The following PRELID2 variants were observed in gnomAD, a reference collection of about 807,000 sequenced individuals.
The protein encoded by PRELID2 is PRELI domain-containing protein 2.
In PRELID2, 25 loss-of-function variants were observed where a neutral mutation model predicts 28.4. That is an observed-to-expected ratio of 0.88 (90% CI 0.64 to 1.23). The LOEUF is 1.23. Among genes scored for constraint, PRELID2 ranks in the 50% most tolerant of loss-of-function variants. The pLI is 0.00. For synonymous variants in PRELID2, 76 were observed against 71.6 expected, an observed-to-expected ratio of 1.06 and a Z score of -0.31; for missense variants, 201 against 214.4, an observed-to-expected ratio of 0.94 and a Z score of 0.39.
At chr5:145,611,911 T>A (rs946451815) in intron 1 of PRELID2, among the ~76,000 whole-genome samples, 1 of 152,170 alleles carries the variant, frequency 6.6e-6, no homozygotes, top group Non-Finnish European at 1.5e-5. Flanking sequence ...ACTGAAAAGC[T>A]ACAGTTATTA....
intron 1 of PRELID2, among the ~76,000 whole-genome samples, chr5:145,740,564 C>A (rs1756644651): frequency 1.0e-5 from 1 of 98,222 alleles, no homozygotes; most frequent in African/African-American, 3.9e-5. Context: ...TATTCAAGTA[C>A]CCATGAAATA....
chr5:145,379,262 A>G, the PRELID2 span, among the ~76,000 whole-genome samples: 1 of 152,180 alleles, frequency 6.6e-6, no homozygotes, highest in Admixed American at 6.5e-5. Flanking sequence ...GTGTCAGCCA[A>G]GTGTTTCATA....
At chr5:145,332,869 C>G in the PRELID2 span, among the ~76,000 whole-genome samples, 2 of 152,138 alleles carry the variant, frequency 1.3e-5, no homozygotes, top group East Asian at 1.9e-4. Context: ...GAATTTTCAG[C>G]CTTTTTGCAC....
At chr5:145,256,105 G>A in the PRELID2 span, among the ~76,000 whole-genome samples, 1 of 151,778 alleles carries the variant, frequency 6.6e-6, no homozygotes, top group Non-Finnish European at 1.5e-5. Flanking sequence ...AAATCAAGGT[G>A]TCACCAAGAT....
chr5:145,565,187 C>G (rs1004953430), intron 1 of PRELID2, among the ~76,000 whole-genome samples: 1 of 152,200 alleles, frequency 6.6e-6, no homozygotes, highest in African/African-American at 2.4e-5. Context: ...TTTCCCAAAG[C>G]CATTTTCTAA....
chr5:145,606,196 A>G (rs1753501413), intron 1 of PRELID2, among the ~76,000 whole-genome samples: 1 of 152,066 alleles, frequency 6.6e-6, no homozygotes, highest in African/African-American at 2.4e-5. Flanking sequence ...CTAGGTATAG[A>G]ATCACATCAT....
the PRELID2 span, among the ~76,000 whole-genome samples, chr5:145,354,908 AT>A: frequency 1.2e-4 from 19 of 152,242 alleles, no homozygotes; most frequent in African/African-American, 4.6e-4. Flanking sequence ...AAATGATTGA[AT>A]AAGCTCTCTT....
the PRELID2 span, among the ~76,000 whole-genome samples, chr5:145,431,946 A>T: frequency 6.6e-6 from 1 of 152,218 alleles, no homozygotes; most frequent in Non-Finnish European, 1.5e-5. Context: ...CTAAATATCC[A>T]TCAACAGAGA....
At chr5:145,301,967 G>T in the PRELID2 span, among the ~76,000 whole-genome samples, 10 of 69,362 alleles carry the variant, frequency 1.4e-4, no homozygotes, top group Admixed American at 8.2e-4. Context: ...CTGGTAATTT[G>T]CATTTTCAAA....
chr5:145,785,602 A>C (rs1327148126), intron 5 of PRELID2, among the ~76,000 whole-genome samples: 1 of 152,184 alleles, frequency 6.6e-6, no homozygotes, highest in Non-Finnish European at 1.5e-5. Flanking sequence ...TCAGTCAGAC[A>C]CCAAAGGCTT....
chr5:145,818,117 TC>T, intron 3 of PRELID2, 63 bp from the exon 4 acceptor site: 1 of 1,523,084 alleles, frequency 6.6e-7, no homozygotes, highest in Non-Finnish European at 9.0e-7. Flanking sequence ...AATGACTGCA[TC>T]CAGAGTTACT....
intron 1 of PRELID2, among the ~76,000 whole-genome samples, chr5:145,656,157 G>T (rs529084515): frequency 3.9e-5 from 6 of 152,092 alleles, no homozygotes; most frequent in African/African-American, 1.2e-4. Flanking sequence ...AAAAATGCTC[G>T]TCATCACTGG....
chr5:145,751,080 A>G (rs1366016841), intron 1 of PRELID2, among the ~76,000 whole-genome samples: 2 of 152,222 alleles, frequency 1.3e-5, no homozygotes, highest in African/African-American at 4.8e-5. Context: ...GGAAAACAAA[A>G]GAGGAAACAG....
the PRELID2 span, chr5:145,429,762 T>C: frequency 3.9e-5 from 6 of 152,222 alleles, no homozygotes; most frequent in Non-Finnish European, 7.3e-5. Context: ...TAGGCTGGTG[T>C]TATGACTTGC....
At chr5:145,392,083 T>G in the PRELID2 span, among the ~76,000 whole-genome samples, 1 of 152,164 alleles carries the variant, frequency 6.6e-6, no homozygotes. Flanking sequence ...AGCTCCAAAG[T>G]TGCTTCCACA....
At chr5:145,289,823 C>T in the PRELID2 span, among the ~76,000 whole-genome samples, 2 of 152,052 alleles carry the variant, frequency 1.3e-5, no homozygotes, top group Non-Finnish European at 2.9e-5. Flanking sequence ...GGCATCTCAT[C>T]GTTTTAATTT....
the PRELID2 span, among the ~76,000 whole-genome samples, chr5:145,415,820 C>G: frequency 0.23 from 35,030 of 150,798 alleles, 5,265 homozygotes; most frequent in Non-Finnish European, 0.33. Context: ...TGGGTCAAAT[C>G]GTATTTCTAG....
At chr5:145,825,393 G>A (rs1304317225) in intron 1 of PRELID2, among the ~76,000 whole-genome samples, 1 of 152,086 alleles carries the variant, frequency 6.6e-6, no homozygotes, top group East Asian at 1.9e-4. Flanking sequence ...TAAAGCAAGG[G>A]AGATATTTGA....
intron 1 of PRELID2, among the ~76,000 whole-genome samples, chr5:145,652,683 T>C (rs1380526312): frequency 6.6e-6 from 1 of 152,180 alleles, no homozygotes; most frequent in Non-Finnish European, 1.5e-5. Context: ...TAAAATCCTT[T>C]ACAGACAAGC....
Sources: allele counts gnomAD v4.1 joint callset (sites outside exome capture counted in the v4.1 genomes callset), GRCh38; gene constraint gnomAD v4.1.1; transcripts MANE v1.5; gene names NCBI Gene and HGNC (gene_info 2026-07-23, HGNC 2026-07-21).